Variants in ANKS1B observed in about 807,000 individuals in gnomAD.
ANKS1B encodes the protein ankyrin repeat and sterile alpha motif domain-containing protein 1B.
Under a neutral mutation model 148.3 loss-of-function variants are expected in ANKS1B, and 36 were observed. The ratio of observed to expected loss-of-function variants is 0.24; its 90% CI spans 0.19 to 0.32. The LOEUF (loss-of-function observed/expected upper bound fraction) is 0.32, where lower values mean the gene tolerates loss of function less well. Among genes scored for constraint, ANKS1B ranks in the 10% least tolerant of loss-of-function variants. ANKS1B has a pLI of 1.00. For synonymous variants in ANKS1B, 542 were observed against 560.8 expected (o/e 0.97, Z 0.47); for missense variants, 1,157 against 1,542.6 (o/e 0.75, Z 4.19).
Position 99,583,933 on chromosome 12 carries a change from C to CA in ANKS1B, c.1272+71133dup, listed in dbSNP as rs558804986. Among the ~76,000 whole-genome samples, 16 of 152,328 alleles carry CA rather than the reference C, an allele frequency of 1.1e-4. No homozygotes were observed. In the South Asian group the frequency reaches 1.2e-3, roughly 12 times the overall value. The stretch of plus-strand genomic sequence containing the variant: ...GCTCCCTTAAATTACTTTGCCTATT[C>CA]AAAATTACCTGTCAATGTTAGAGTT... On this transcript the variant is annotated intron_variant, in intron 9 of 26. Transcript: ENST00000683438.
chr12:98,975,149 CCT>C (rs1042043349), intron 17 of ANKS1B, among the ~76,000 whole-genome samples: 15 of 146,352 alleles, frequency 1.0e-4, no homozygotes, highest in African/African-American at 3.8e-4. Flanking sequence ...TTCTTTCCTC[CCT>C]CTCTTCCTTC....
At chr12:99,547,345 T>C (rs1206297947) in intron 9 of ANKS1B, among the ~76,000 whole-genome samples, 1 of 152,158 alleles carries the variant, frequency 6.6e-6, no homozygotes, top group African/African-American at 2.4e-5. Context: ...TGGTATAAAA[T>C]ATAAGTTCTT....
At chr12:98,845,832 T>A (rs2099457142) in intron 17 of ANKS1B, among the ~76,000 whole-genome samples, 2 of 152,102 alleles carry the variant, frequency 1.3e-5, no homozygotes, top group Non-Finnish European at 1.5e-5. Context: ...AGGTGGTGTG[T>A]TAAGTAACCT....
At chr12:99,092,422 C>G (rs1342140698) in intron 15 of ANKS1B, among the ~76,000 whole-genome samples, 1 of 137,148 alleles carries the variant, frequency 7.3e-6, no homozygotes, top group Non-Finnish European at 1.5e-5. Flanking sequence ...GAAAGGAAAA[C>G]AGTTAGCAGC....
chr12:99,670,386 C>A (rs1307384474), intron 8 of ANKS1B, among the ~76,000 whole-genome samples: 2 of 152,212 alleles, frequency 1.3e-5, no homozygotes, highest in East Asian at 3.9e-4. Context: ...TTTTTTGCAT[C>A]AGTGAATACA....
At chr12:99,929,099 C>G (rs1169068829) in intron 1 of ANKS1B, among the ~76,000 whole-genome samples, 2 of 152,148 alleles carry the variant, frequency 1.3e-5, no homozygotes, top group African/African-American at 2.4e-5. Flanking sequence ...ATCATGAGAA[C>G]AGGTAATGAA....
intron 8 of ANKS1B, among the ~76,000 whole-genome samples, chr12:99,752,713 C>T (rs1344337719): frequency 6.6e-6 from 1 of 151,722 alleles, no homozygotes; most frequent in Admixed American, 6.6e-5. Context: ...CTTATATATA[C>T]AACTTATAAT....
At chr12:98,947,136 A>G (rs2099846746) in intron 17 of ANKS1B, among the ~76,000 whole-genome samples, 1 of 152,102 alleles carries the variant, frequency 6.6e-6, no homozygotes, top group African/African-American at 2.4e-5. Flanking sequence ...AGGGGTTAAC[A>G]GGGAGCCCTG....
At chr12:99,643,295 T>C (rs977558529) in intron 9 of ANKS1B, among the ~76,000 whole-genome samples, 1 of 152,242 alleles carries the variant, frequency 6.6e-6, no homozygotes, top group Middle Eastern at 3.4e-3. Context: ...AAATCAAGCA[T>C]GAGTCAGACG....
At position 99,745,015 on chromosome 12, in the gene ANKS1B, AAAT is replaced by A. The variant is rs1286588079; in HGVS notation, c.1128+27904_1128+27906del. Among the ~76,000 whole-genome samples, 268 of 150,538 alleles carry A rather than the reference AAAT, an allele frequency of 1.8e-3. 5 individuals carry two copies. The highest frequency in any genetic ancestry group is 6.2e-3 in the African/African-American group (253 of 40,758). ...TCAAAAAAAAAAAAAAAAAAAAAAA[AAAT>A]CAGTAGTATCTTTAGGAGCCCAAGA... On this transcript the variant is annotated intron_variant, in intron 8 of 26. Transcript: ENST00000683438.
intron 9 of ANKS1B, among the ~76,000 whole-genome samples, chr12:99,552,677 T>C (rs1282043049): frequency 6.6e-6 from 1 of 152,174 alleles, no homozygotes; most frequent in African/African-American, 2.4e-5. Context: ...AACATGGCTG[T>C]CCCTCAGTAT....
chr12:98,788,046 G>A (rs1028038346), intron 22 of ANKS1B, among the ~76,000 whole-genome samples: 1 of 152,020 alleles, frequency 6.6e-6, no homozygotes, highest in Non-Finnish European at 1.5e-5. Flanking sequence ...GCCTTGCAAA[G>A]CTTGCAGGAG....
rs926722198 is a variant in ANKS1B at position 99,627,690 on chromosome 12, A to G, written c.1272+27377T>C. ...ATGCACACAGCAGAGTGTGCTGGAGATCATAAACATTTGTCAGAAACAAAT... is the reference window on the plus strand; with the variant it reads ...ATGCACACAGCAGAGTGTGCTGGAGGTCATAAACATTTGTCAGAAACAAAT... On this transcript the variant is annotated intron_variant, in intron 9 of 26. Transcript: ENST00000683438. Among the ~76,000 whole-genome samples, 5 of 152,184 alleles carry G rather than the reference A, an allele frequency of 3.3e-5. No individual in the cohort carries two copies. The East Asian group carries it at 9.6e-4, about 29-fold the overall frequency.
chr12:99,394,983 A>C (rs2094198021), intron 12 of ANKS1B, among the ~76,000 whole-genome samples: 1 of 152,312 alleles, frequency 6.6e-6, no homozygotes, highest in East Asian at 1.9e-4. Flanking sequence ...ACAGTTGTTA[A>C]GGAGAAAGGT....
intron 10 of ANKS1B, among the ~76,000 whole-genome samples, chr12:99,486,055 A>G (rs1219833896): frequency 3.3e-5 from 5 of 152,130 alleles, no homozygotes; most frequent in Non-Finnish European, 5.9e-5. Flanking sequence ...GTTTGGATCC[A>G]TTGCTGGAGA....
intron 17 of ANKS1B, among the ~76,000 whole-genome samples, chr12:98,907,942 C>T (rs1374624443): frequency 7.9e-5 from 12 of 152,174 alleles, no homozygotes; most frequent in Non-Finnish European, 1.5e-5. Flanking sequence ...GATTGTGAGG[C>T]CTCCCCAGCC....
intron 10 of ANKS1B, among the ~76,000 whole-genome samples, chr12:99,452,320 A>G (rs540275378): frequency 4.6e-5 from 7 of 152,304 alleles, no homozygotes; most frequent in African/African-American, 1.7e-4. Flanking sequence ...TTTTATGGAC[A>G]GACCTAGAAG....
chr12:99,872,093 CTAAAAT>C (rs2091589243), intron 1 of ANKS1B, among the ~76,000 whole-genome samples: 1 of 151,960 alleles, frequency 6.6e-6, no homozygotes, highest in Admixed American at 6.6e-5. Context: ...ACTAGGATGG[CTAAAAT>C]TAAAAAGATT....
chr12:98,948,726 TTCTCTC>T (rs144897567), intron 17 of ANKS1B, among the ~76,000 whole-genome samples: 3 of 144,842 alleles, frequency 2.1e-5, no homozygotes, highest in African/African-American at 5.1e-5. Flanking sequence ...TTATGCCAAT[TTCTCTC>T]TCTCTCTCTC....
Sources: allele counts gnomAD v4.1 joint callset (sites outside exome capture counted in the v4.1 genomes callset), GRCh38; gene constraint gnomAD v4.1.1; transcripts MANE v1.5; gene names NCBI Gene and HGNC (gene_info 2026-07-23, HGNC 2026-07-21).